FRMPD4: variants seen among roughly 807,000 people sequenced by gnomAD.
FRMPD4 encodes the protein FERM and PDZ domain containing 4, also known as FERM and PDZ domain-containing protein 4.
Under a neutral mutation model 94.1 loss-of-function variants are expected in FRMPD4, and 22 were observed. That is an observed-to-expected ratio of 0.23 (90% CI 0.17 to 0.33). The LOEUF is 0.33. Ranked by LOEUF, FRMPD4 falls within the 10% of genes least tolerant of loss-of-function variation. The probability of loss-of-function intolerance (pLI) is 1.00; values close to 1 mark genes in which losing one functional copy is unlikely to be tolerated. For missense variants in FRMPD4, 1,111 were observed against 1,339.9 expected, an observed-to-expected ratio of 0.83 and a Z score of 2.67; for synonymous variants, 631 against 548.6, an observed-to-expected ratio of 1.15 and a Z score of -2.10.
intron 4 of FRMPD4, among the ~76,000 whole-genome samples, chrX:12,651,857 A>C (rs1235365170): frequency 8.9e-6 from 1 of 112,396 alleles, no homozygotes; most frequent in African/African-American, 3.2e-5. Context: ...TTTTTTAAAA[A>C]TTGACTCAGA....
At chrX:12,144,771 T>C (rs987641921) in intron 1 of FRMPD4, among the ~76,000 whole-genome samples, 2 of 107,172 alleles carry the variant, frequency 1.9e-5, no homozygotes, top group African/African-American at 6.7e-5. Flanking sequence ...ATATATATAT[T>C]ATATATATAA....
At chrX:11,933,590 A>C (rs1388780812) in intron 3 of FRMPD4, among the ~76,000 whole-genome samples, 1 of 112,734 alleles carries the variant, frequency 8.9e-6, no homozygotes. Context: ...AGAAATTCCA[A>C]AGAATCAAAA....
intron 3 of FRMPD4, among the ~76,000 whole-genome samples, chrX:11,903,723 A>G (rs1181525439): frequency 8.9e-6 from 1 of 112,299 alleles, no homozygotes; most frequent in Admixed American, 9.4e-5. Flanking sequence ...TTGTCTTTTT[A>G]AAAAATGACT....
At chrX:12,004,158 G>A (rs1323794889) in intron 3 of FRMPD4, among the ~76,000 whole-genome samples, 1 of 111,713 alleles carries the variant, frequency 9.0e-6, no homozygotes, top group Admixed American at 9.5e-5. Context: ...AGTTCCAGAG[G>A]TTGAAAACCC....
chrX:11,884,710 T>C (rs1215681919), intron 3 of FRMPD4, among the ~76,000 whole-genome samples: 2 of 111,772 alleles, frequency 1.8e-5, no homozygotes, highest in Non-Finnish European at 3.8e-5. Context: ...CCTTTGAGAC[T>C]TAGTTCTAAC....
intron 3 of FRMPD4, among the ~76,000 whole-genome samples, chrX:11,878,346 T>C (rs184532743): frequency 2.8e-4 from 32 of 112,355 alleles, no homozygotes; most frequent in African/African-American, 1.0e-3. Flanking sequence ...TAGCTGCCTG[T>C]TCATTTCTAT....
chrX:12,388,521 C>T (rs1314958606), intron 1 of FRMPD4, among the ~76,000 whole-genome samples: 2 of 108,563 alleles, frequency 1.8e-5, no homozygotes, highest in Non-Finnish European at 1.9e-5. Context: ...AGGAAAATTG[C>T]TTGAACCCAG....
chrX:12,477,625 AGGAACAAT>A (rs1284440165), intron 1 of FRMPD4, among the ~76,000 whole-genome samples: 33 of 112,398 alleles, frequency 2.9e-4, no homozygotes, highest in African/African-American at 1.0e-3. Context: ...CCTTGAGATT[AGGAACAAT>A]GTGTTAGACA....
intron 1 of FRMPD4, among the ~76,000 whole-genome samples, chrX:12,232,424 C>A (rs1016144113): frequency 9.0e-6 from 1 of 110,926 alleles, no homozygotes; most frequent in African/African-American, 3.3e-5. Flanking sequence ...CTTGTAAAAC[C>A]ATTAGATCTC....
chrX:11,995,510 C>G (rs1418695757), intron 3 of FRMPD4, among the ~76,000 whole-genome samples: 1 of 111,685 alleles, frequency 9.0e-6, no homozygotes, highest in Non-Finnish European at 1.9e-5. Flanking sequence ...TTTCAGACTT[C>G]TTTCCTTAAC....
intron 3 of FRMPD4, among the ~76,000 whole-genome samples, chrX:11,960,575 A>T (rs2147372481): frequency 8.9e-6 from 1 of 112,664 alleles, no homozygotes; most frequent in Non-Finnish European, 1.9e-5. Context: ...AGATTTAAAT[A>T]TCCTGTAATA....
At chrX:12,230,090 G>T (rs190880493) in intron 1 of FRMPD4, among the ~76,000 whole-genome samples, 255 of 110,856 alleles carry the variant, frequency 2.3e-3, no homozygotes, top group Middle Eastern at 0.019. Context: ...TCTTCTTGCT[G>T]CTGCCTGTTT....
intron 1 of FRMPD4, among the ~76,000 whole-genome samples, chrX:12,433,284 A>G (rs191750318): frequency 1.8e-5 from 2 of 112,055 alleles, no homozygotes; most frequent in African/African-American, 6.5e-5. Flanking sequence ...CAGCCTGGAG[A>G]TTGTCATCTC....
chrX:12,149,413 G>A (rs904380358), intron 1 of FRMPD4, among the ~76,000 whole-genome samples: 10 of 111,617 alleles, frequency 9.0e-5, no homozygotes, highest in African/African-American at 3.3e-4. Flanking sequence ...TTTAGAAGAA[G>A]TTGATTCCAA....
chrX:12,603,685 T>A (rs1275008196), intron 2 of FRMPD4, among the ~76,000 whole-genome samples: 1 of 110,970 alleles, frequency 9.0e-6, no homozygotes, highest in African/African-American at 3.3e-5. Context: ...AGGATGGAGG[T>A]TTGAATAGCT....
chrX:12,253,533 C>T (rs1003236226), intron 1 of FRMPD4, among the ~76,000 whole-genome samples: 4 of 111,924 alleles, frequency 3.6e-5, no homozygotes, highest in African/African-American at 6.5e-5. Context: ...TGTCATTACC[C>T]TCTACTCAAA....
At chrX:12,369,375 G>A (rs372370252) in intron 1 of FRMPD4, among the ~76,000 whole-genome samples, 16 of 110,097 alleles carry the variant, frequency 1.5e-4, no homozygotes, top group African/African-American at 4.9e-4. Flanking sequence ...TAACTAACGC[G>A]GGCCTCCTTT....
chrX:11,874,112 T>C (rs2053770120), intron 2 of FRMPD4, among the ~76,000 whole-genome samples: 1 of 112,246 alleles, frequency 8.9e-6, no homozygotes, highest in Non-Finnish European at 1.9e-5. Context: ...TATAAATACC[T>C]TTTTTTGTGT....
chrX:11,833,613 T>A (rs1176946323), intron 1 of FRMPD4, among the ~76,000 whole-genome samples: 1 of 111,798 alleles, frequency 8.9e-6, no homozygotes, highest in Non-Finnish European at 1.9e-5. Context: ...AAAGTAGAGC[T>A]TTACAGGAGA....
Sources: allele counts gnomAD v4.1 joint callset (sites outside exome capture counted in the v4.1 genomes callset), GRCh38; gene constraint gnomAD v4.1.1; transcripts MANE v1.5; gene names NCBI Gene and HGNC (gene_info 2026-07-23, HGNC 2026-07-21).